Variants in LRMDA observed in about 807,000 individuals in gnomAD.
LRMDA encodes leucine rich melanocyte differentiation associated, also known as leucine-rich melanocyte differentiation-associated protein.
A neutral mutation model predicts 29.8 loss-of-function variants in LRMDA; 18 were observed. The ratio of observed to expected loss-of-function variants is 0.60; its 90% confidence interval spans 0.42 to 0.90. The LOEUF is 0.90. Among genes scored for constraint, LRMDA ranks in the 40% least tolerant of loss-of-function variants. LRMDA has a pLI of 0.00. For missense variants in LRMDA, 273 were observed against 273.9 expected (o/e 1.00, Z 0.02); for synonymous variants, 125 against 109.4 (o/e 1.14, Z -0.89).
intron 5 of LRMDA, among the ~76,000 whole-genome samples, chr10:76,151,011 G>A (rs879712778): frequency 1.8e-4 from 27 of 152,026 alleles, no homozygotes; most frequent in Admixed American, 2.6e-4. Flanking sequence ...AGACCCAGCC[G>A]GGCAGCAGAA....
At chr10:76,398,922 CT>C (rs1477103837) in intron 6 of LRMDA, among the ~76,000 whole-genome samples, 1 of 152,134 alleles carries the variant, frequency 6.6e-6, no homozygotes, top group African/African-American at 2.4e-5. Flanking sequence ...TAATTAACCT[CT>C]GATAGCTTTG....
chr10:75,861,933 C>A (rs2132322858), intron 2 of LRMDA, among the ~76,000 whole-genome samples: 1 of 152,226 alleles, frequency 6.6e-6, no homozygotes, highest in Non-Finnish European at 1.5e-5. Context: ...CTCTACCTAG[C>A]CAATGTGGAG....
chr10:76,458,959 C>T (rs1403827526), intron 6 of LRMDA, among the ~76,000 whole-genome samples: 8 of 152,100 alleles, frequency 5.3e-5, no homozygotes, highest in African/African-American at 1.9e-4. Context: ...AGTGTCAAGA[C>T]AAAATAGCAC....
At chr10:76,346,989 C>T (rs1589145928) in intron 6 of LRMDA, among the ~76,000 whole-genome samples, 1 of 152,022 alleles carries the variant, frequency 6.6e-6, no homozygotes, top group Admixed American at 6.5e-5. Context: ...CCTTTATGAG[C>T]GTCAATTATC....
chr10:75,917,251 C>T (rs1301478810), intron 2 of LRMDA, among the ~76,000 whole-genome samples: 1 of 152,170 alleles, frequency 6.6e-6, no homozygotes, highest in Non-Finnish European at 1.5e-5. Context: ...TGTGTGGCCT[C>T]TCCTCTGTCT....
chr10:76,227,083 A>G (rs1276648607), intron 5 of LRMDA, among the ~76,000 whole-genome samples: 1 of 152,202 alleles, frequency 6.6e-6, no homozygotes, highest in African/African-American at 2.4e-5. Context: ...GATGGAGTGA[A>G]TTCCCCATGC....
At chr10:75,583,637 A>C (rs772518672) in intron 2 of LRMDA, among the ~76,000 whole-genome samples, 4 of 152,044 alleles carry the variant, frequency 2.6e-5, no homozygotes, top group Non-Finnish European at 4.4e-5. Flanking sequence ...TCCAAACTCT[A>C]TCAACCTCTA....
chr10:76,199,150 T>C (rs1851383112), intron 5 of LRMDA, among the ~76,000 whole-genome samples: 1 of 152,246 alleles, frequency 6.6e-6, no homozygotes, highest in African/African-American at 2.4e-5. Flanking sequence ...TGTGTCGTTC[T>C]AATATTAAAT....
At chr10:76,215,869 C>A (rs1245007942) in intron 5 of LRMDA, among the ~76,000 whole-genome samples, 1 of 152,154 alleles carries the variant, frequency 6.6e-6, no homozygotes, top group Non-Finnish European at 1.5e-5. Flanking sequence ...CACAATGAAT[C>A]TCAGAAATAG....
At chr10:76,511,821 C>T (rs188494893) in intron 6 of LRMDA, among the ~76,000 whole-genome samples, 182 of 147,196 alleles carry the variant, frequency 1.2e-3, no homozygotes, top group Non-Finnish European at 2.4e-4. Flanking sequence ...CAGCACAATT[C>T]CTATCAAAAT....
At chr10:76,219,259 T>C (rs1313639848) in intron 5 of LRMDA, among the ~76,000 whole-genome samples, 1 of 152,040 alleles carries the variant, frequency 6.6e-6, no homozygotes, top group Non-Finnish European at 1.5e-5. Flanking sequence ...AATTCACACA[T>C]AACAATATTA....
At chr10:75,654,745 G>C (rs535970576) in intron 2 of LRMDA, among the ~76,000 whole-genome samples, 19 of 152,316 alleles carry the variant, frequency 1.2e-4, no homozygotes, top group Admixed American at 9.2e-4. Context: ...ATCTGACAAT[G>C]CCTTTGTAGG....
At chr10:76,112,544 C>T (rs75495083) in intron 5 of LRMDA, among the ~76,000 whole-genome samples, 2,697 of 152,346 alleles carry the variant, frequency 0.018, 38 homozygotes, top group East Asian at 0.079. Context: ...TGACCCCAAG[C>T]CCGTCAGGGG....
chr10:76,155,036 A>G (rs1051594519), intron 5 of LRMDA, among the ~76,000 whole-genome samples: 33 of 152,162 alleles, frequency 2.2e-4, no homozygotes, highest in African/African-American at 7.5e-4. Context: ...ACCTCTTTGC[A>G]TGTTCCCATC....
chr10:75,886,857 G>A (rs1845400161), intron 2 of LRMDA, among the ~76,000 whole-genome samples: 1 of 152,278 alleles, frequency 6.6e-6, no homozygotes, highest in Non-Finnish European at 1.5e-5. Flanking sequence ...AGGTCACACG[G>A]TTATTTATAA....
intron 2 of LRMDA, among the ~76,000 whole-genome samples, chr10:75,950,596 G>T (rs1311607187): frequency 6.6e-6 from 1 of 152,178 alleles, no homozygotes; most frequent in African/African-American, 2.4e-5. Context: ...CAACATCAGA[G>T]CCATCACTCC....
At chr10:76,485,376 G>A (rs1164537766) in intron 6 of LRMDA, among the ~76,000 whole-genome samples, 1 of 151,800 alleles carries the variant, frequency 6.6e-6, no homozygotes, top group Non-Finnish European at 1.5e-5. Flanking sequence ...ACTTCAAATA[G>A]CACTATACCA....
At chr10:76,208,669 C>T (rs1851581085) in intron 5 of LRMDA, among the ~76,000 whole-genome samples, 1 of 152,172 alleles carries the variant, frequency 6.6e-6, no homozygotes, top group African/African-American at 2.4e-5. Flanking sequence ...ATGTGCATTG[C>T]ATTCAGCAGT....
At chr10:76,276,018 T>G (rs1317710442) in intron 5 of LRMDA, among the ~76,000 whole-genome samples, 1 of 145,586 alleles carries the variant, frequency 6.9e-6, no homozygotes, top group Non-Finnish European at 1.5e-5. Context: ...TCTATCTATC[T>G]ATCTATCTAT....
Sources: gnomAD v4.1 joint callset for allele counts (sites outside exome capture counted in the v4.1 genomes callset) on GRCh38, gnomAD v4.1.1 for gene constraint, MANE v1.5 for transcripts, NCBI Gene and HGNC (gene_info 2026-07-23, HGNC 2026-07-21) for gene names.